STPG2: variants seen among roughly 807,000 people sequenced by gnomAD.
STPG2 encodes the protein sperm-tail PG-rich repeat-containing protein 2.
STPG2 carries 56 observed loss-of-function variants against 54.2 expected under a neutral mutation model. That is an observed-to-expected ratio of 1.03 (90% confidence interval 0.83 to 1.29). The LOEUF (loss-of-function observed/expected upper bound fraction) is 1.29, where lower values mean the gene tolerates loss of function less well. STPG2 is among the 50% of genes most tolerant of loss of function. The pLI is 0.00. For synonymous variants in STPG2, 200 were observed against 181.8 expected (o/e 1.10, Z -0.81); for missense variants, 596 against 544.9 (o/e 1.09, Z -0.93).
At chr4:97,527,152 C>G (rs1204378713) in intron 4 of STPG2, among the ~76,000 whole-genome samples, 1 of 151,948 alleles carries the variant, frequency 6.6e-6, no homozygotes, top group Admixed American at 6.6e-5. Context: ...CTCCCCTAGC[C>G]CCCCACCAAC....
intron 4 of STPG2, among the ~76,000 whole-genome samples, chr4:97,527,447 G>A (rs1032314520): frequency 2.6e-5 from 4 of 152,178 alleles, no homozygotes; most frequent in Admixed American, 6.5e-5. Flanking sequence ...TGCAAACAGT[G>A]CTGAAATAAA....
intron 4 of STPG2, among the ~76,000 whole-genome samples, chr4:97,453,211 C>T (rs961394209): frequency 6.6e-6 from 1 of 152,216 alleles, no homozygotes; most frequent in African/African-American, 2.4e-5. Flanking sequence ...CTGGAGCCAG[C>T]AGGGGAAGCT....
chr4:97,998,955 C>T (rs1038625678), intron 5 of STPG2, among the ~76,000 whole-genome samples: 7 of 152,132 alleles, frequency 4.6e-5, no homozygotes, highest in Admixed American at 4.6e-4. Flanking sequence ...TCTCTGAAAC[C>T]CTACGGTCTT....
At chr4:98,022,157 G>A (rs1736230247) in intron 5 of STPG2, among the ~76,000 whole-genome samples, 1 of 152,002 alleles carries the variant, frequency 6.6e-6, no homozygotes, top group African/African-American at 2.4e-5. Flanking sequence ...GGCTGGTACT[G>A]GTTGTTCCTT....
At chr4:97,704,773 GAGA>G in intron 10 of STPG2, among the ~76,000 whole-genome samples, 1 of 152,210 alleles carries the variant, frequency 6.6e-6, no homozygotes, top group Admixed American at 6.6e-5. Flanking sequence ...TTTGTAAACG[GAGA>G]AGTTTAAGTC....
chr4:97,889,021 C>T (rs894539514), intron 8 of STPG2, among the ~76,000 whole-genome samples: 18 of 152,208 alleles, frequency 1.2e-4, no homozygotes, highest in African/African-American at 4.1e-4. Context: ...CCTGAGGCCT[C>T]CACAGAAGCT....
intron 4 of STPG2, among the ~76,000 whole-genome samples, chr4:97,457,484 G>A (rs887154669): frequency 6.6e-6 from 1 of 152,140 alleles, no homozygotes; most frequent in South Asian, 2.1e-4. Flanking sequence ...TTCCCCTTTA[G>A]CCAAGCAAAT....
intron 1 of STPG2, among the ~76,000 whole-genome samples, chr4:98,138,272 A>G (rs752911634): frequency 6.6e-6 from 1 of 152,106 alleles, no homozygotes; most frequent in Non-Finnish European, 1.5e-5. Flanking sequence ...GAGATGGTAG[A>G]GTTTGATATG....
chr4:97,944,501 C>G (rs1733124609), intron 7 of STPG2, among the ~76,000 whole-genome samples: 3 of 151,846 alleles, frequency 2.0e-5, no homozygotes, highest in Non-Finnish European at 1.5e-5. Flanking sequence ...AATTAATAGG[C>G]TAGAGGAATC....
chr4:97,988,675 C>A (rs2149267748), intron 5 of STPG2, among the ~76,000 whole-genome samples: 1 of 152,316 alleles, frequency 6.6e-6, no homozygotes, highest in Non-Finnish European at 1.5e-5. Context: ...GGCCCAATCT[C>A]ATCTCACTGC....
chr4:98,093,473 T>C (rs533801997), intron 5 of STPG2, among the ~76,000 whole-genome samples: 1 of 152,178 alleles, frequency 6.6e-6, no homozygotes, highest in Non-Finnish European at 1.5e-5. Context: ...CCAAAGATAC[T>C]ATAGGAGGGG....
At chr4:97,509,007 C>T (rs1208512952) in intron 4 of STPG2, among the ~76,000 whole-genome samples, 4 of 152,002 alleles carry the variant, frequency 2.6e-5, no homozygotes, top group Admixed American at 2.0e-4. Flanking sequence ...AACCATTTTC[C>T]TATTTTCCTA....
chr4:97,841,122 T>A (rs1728789853), intron 8 of STPG2, among the ~76,000 whole-genome samples, 190 bp from the exon 9 acceptor site: 1 of 151,736 alleles, frequency 6.6e-6, no homozygotes, highest in African/African-American at 2.4e-5. Flanking sequence ...TAAATTTACT[T>A]GCCAAAATTA....
At chr4:97,868,465 T>C (rs1005504797) in intron 8 of STPG2, among the ~76,000 whole-genome samples, 6 of 151,852 alleles carry the variant, frequency 4.0e-5, no homozygotes, top group African/African-American at 1.4e-4. Context: ...TCCCAGACAT[T>C]AGAGGTAGCA....
chr4:97,680,153 AT>A (rs1212866349), intron 10 of STPG2, among the ~76,000 whole-genome samples: 3 of 151,108 alleles, frequency 2.0e-5, no homozygotes, highest in East Asian at 3.9e-4. Flanking sequence ...GTTTTTTCCA[AT>A]TCTGTGAAGA....
intron 10 of STPG2, among the ~76,000 whole-genome samples, chr4:97,581,650 G>A (rs767181809): frequency 6.6e-6 from 1 of 151,952 alleles, no homozygotes; most frequent in South Asian, 2.1e-4. Flanking sequence ...TCACCTTGCC[G>A]TTCAGCCAGG....
At chr4:97,531,185 T>C (rs568442969) in intron 4 of STPG2, among the ~76,000 whole-genome samples, 1 of 152,324 alleles carries the variant, frequency 6.6e-6, no homozygotes, top group East Asian at 1.9e-4. Flanking sequence ...AAATGGCTTT[T>C]ATCCAAAAGA....
At chr4:97,729,382 T>C (rs967426220) in intron 9 of STPG2, among the ~76,000 whole-genome samples, 1 of 152,164 alleles carries the variant, frequency 6.6e-6, no homozygotes, top group African/African-American at 2.4e-5. Flanking sequence ...AAACCACAAT[T>C]ACTTTTGCAT....
At chr4:97,883,406 A>G (rs958241617) in intron 8 of STPG2, among the ~76,000 whole-genome samples, 1 of 151,308 alleles carries the variant, frequency 6.6e-6, no homozygotes, top group African/African-American at 2.4e-5. Flanking sequence ...AAGAAAAAAA[A>G]AATAGAGAGA....
Sources: allele counts gnomAD v4.1 joint callset (sites outside exome capture counted in the v4.1 genomes callset), GRCh38; gene constraint gnomAD v4.1.1; transcripts MANE v1.5; gene names NCBI Gene and HGNC (gene_info 2026-07-23, HGNC 2026-07-21).